MFSD11: variants seen among roughly 807,000 people sequenced by gnomAD.
MFSD11 encodes the protein UNC93-like protein MFSD11.
In MFSD11, 36 loss-of-function variants were observed where a neutral mutation model predicts 53.5. The ratio of observed to expected loss-of-function variants is 0.67; its 90% confidence interval spans 0.52 to 0.89. The LOEUF is 0.89. MFSD11 is among the 40% of genes least tolerant of loss of function. The probability of loss-of-function intolerance (pLI) is 0.00; values close to 1 mark genes in which losing one functional copy is unlikely to be tolerated. For missense variants in MFSD11, 530 were observed against 543.9 expected (o/e 0.97, Z 0.25); for synonymous variants, 186 against 184.9 (o/e 1.01, Z -0.05).
downstream of MFSD11, among the ~76,000 whole-genome samples, chr17:76,780,211 G>A (rs1041872741): frequency 2.6e-5 from 4 of 152,118 alleles, no homozygotes; most frequent in Non-Finnish European, 4.4e-5. Flanking sequence ...AAAAGTAGTC[G>A]CTGCCTGTCA....
Position 76,738,149 on chromosome 17 carries a change from G to T in MFSD11, c.-204G>T. On this transcript the variant is annotated 5_prime_UTR_variant, in exon 1 of 13. Transcript: ENST00000685175. Reference sequence around the variant, plus strand: ...CTTCCGTACTCGGATCGCTTCTTAGGAGTATCCTAACTGCCGGTGGGGAGA... The same window carrying T: ...CTTCCGTACTCGGATCGCTTCTTAGTAGTATCCTAACTGCCGGTGGGGAGA... The T allele has an allele frequency of 1.0e-5, 6 of 602,736 alleles. No homozygotes were observed. Among genetic ancestry groups the T allele is most frequent in the Non-Finnish European group, 8.8e-6 (3 of 341,314 alleles). 37.3% of individuals were successfully genotyped at this position (602,736 alleles called of 1,614,324 possible).
the MFSD11 span, among the ~76,000 whole-genome samples, chr17:76,787,810 C>T: frequency 6.7e-6 from 1 of 149,584 alleles, no homozygotes; most frequent in Admixed American, 6.7e-5. Context: ...CCTTATTATA[C>T]CCACCTTTTT....
At chr17:76,752,160 G>T (rs74350460) in intron 7 of MFSD11, among the ~76,000 whole-genome samples, 101 of 152,290 alleles carry the variant, frequency 6.6e-4, no homozygotes, top group African/African-American at 2.4e-3. Context: ...CAGGCGTGTT[G>T]TTGCTCAGTC....
At position 76,754,245 on chromosome 17, in the gene MFSD11, C is replaced by G. The variant is rs1598596737; in HGVS notation, c.682+158C>G. 3 of 601,412 alleles carry G rather than the reference C, an allele frequency of 5.0e-6. No homozygotes were observed. The East Asian group carries it at 8.7e-5, about 17-fold the overall frequency. 37.3% of individuals were successfully genotyped at this position (601,412 alleles called of 1,614,324 possible). A position where few individuals can be genotyped will look rare whatever the true frequency, so the allele number is the denominator to read the frequency against. ...ATATATTGATCTTCCTTATCAACAT[C>G]TCTCTAACATGGGGGTTGTGAGGGA... On this transcript the variant is annotated intron_variant, in intron 8 of 12. Transcript: ENST00000685175.
chr17:76,767,450 A>G lies in MFSD11; in HGVS notation c.747A>G (p.Thr249=). 6.4e-7 allele frequency: 1 copy of G among 1,564,770 alleles called. No individual in the cohort carries two copies. The highest frequency in any genetic ancestry group is 8.8e-7 in the Non-Finnish European group (1 of 1,138,028). Residue 249 remains threonine (T), a splice_region_variant and synonymous_variant, in exon 9 of 13, where the codon ACA becomes ACG. Coordinates refer to ENST00000685175, the MANE Select transcript of MFSD11 (RefSeq NM_001242532.5). ...TTCTTAGTATTACAACTGCTTATACAGGTAATGGAATTACTGTTCTTATTT... is the reference window on the plus strand; with the variant it reads ...TTCTTAGTATTACAACTGCTTATACGGGTAATGGAATTACTGTTCTTATTT... ...MLLLSITTAY[T]GLELTFFSGV...
rs747834920 is a variant in MFSD11, at chr17:76,779,193, G to C, written c.*841G>C. 1 of 147,120 alleles carries C rather than the reference G, an allele frequency of 6.8e-6. No homozygotes were observed. Among genetic ancestry groups the C allele is most frequent in the Non-Finnish European group, 1.5e-5 (1 of 67,566 alleles). 9.1% of individuals were successfully genotyped at this position (147,120 alleles called of 1,614,324 possible). A position where few individuals can be genotyped will look rare whatever the true frequency, so the allele number is the denominator to read the frequency against. On this transcript the variant is annotated 3_prime_UTR_variant, in exon 13 of 13. Coordinates refer to ENST00000685175, the MANE Select transcript of MFSD11 (RefSeq NM_001242532.5). ...CGCTTGAACCTGGGAGGCGGAGGTT[G>C]CAGTGAGCCGAGATCGTGCCATTGC...
chr17:76,743,807 G>T (rs2078308270), intron 6 of MFSD11, among the ~76,000 whole-genome samples: 1 of 152,038 alleles, frequency 6.6e-6, no homozygotes, highest in Non-Finnish European at 1.5e-5. Flanking sequence ...GTAGAGATGG[G>T]TTTCTCCATG....
the MFSD11 span, among the ~76,000 whole-genome samples, chr17:76,801,560 C>A: frequency 1.3e-5 from 2 of 151,326 alleles, no homozygotes; most frequent in South Asian, 2.1e-4. Flanking sequence ...AATTCTCCTA[C>A]CTCAGGCTCC....
the MFSD11 span, among the ~76,000 whole-genome samples, chr17:76,803,425 G>A: frequency 2.0e-5 from 3 of 152,088 alleles, no homozygotes; most frequent in East Asian, 1.9e-4. Context: ...TGCCTTTGTC[G>A]GACTAACAAA....
chr17:76,774,875 G>A lies in MFSD11; in HGVS notation c.875-122G>A, dbSNP rs2081670757. 9.5e-6 allele frequency: 9 copies of A among 943,080 alleles called. No individual in the cohort carries two copies. The East Asian group carries it at 1.2e-4, about 13-fold the overall frequency. 58.4% of individuals were successfully genotyped at this position (943,080 alleles called of 1,614,324 possible). A position where few individuals can be genotyped will look rare whatever the true frequency, so the allele number is the denominator to read the frequency against. On this transcript the variant is annotated intron_variant, in intron 10 of 12. Coordinates refer to ENST00000685175, the MANE Select transcript of MFSD11 (RefSeq NM_001242532.5). ...CATTGTCTGCAAGTGCTGAGGTGTT[G>A]GGTTTTTTGAAGAAATTTAACAAGT...
chr17:76,764,052 A>G (rs1358452784), intron 8 of MFSD11, among the ~76,000 whole-genome samples: 1 of 151,954 alleles, frequency 6.6e-6, no homozygotes, highest in African/African-American at 2.4e-5. Flanking sequence ...TTTAATAGAG[A>G]TGGGGTTTTA....
chr17:76,737,240 G>T, upstream of MFSD11: 1 of 1,456,518 alleles, frequency 6.9e-7, no homozygotes, highest in Non-Finnish European at 9.1e-7. Flanking sequence ...GCGCCTCTCA[G>T]GCAGTTGCCT....
chr17:76,777,706 G>A (rs1315165782), intron 12 of MFSD11, among the ~76,000 whole-genome samples: 1 of 152,028 alleles, frequency 6.6e-6, no homozygotes, highest in African/African-American at 2.4e-5. Context: ...CAGATTTTAT[G>A]TTCTGGTCTC....
intron 10 of MFSD11, among the ~76,000 whole-genome samples, chr17:76,771,593 T>C (rs1213258371): frequency 6.6e-6 from 1 of 152,226 alleles, no homozygotes; most frequent in Non-Finnish European, 1.5e-5. Context: ...AAGCGGACTT[T>C]GGAGGGTTTG....
intron 12 of MFSD11, among the ~76,000 whole-genome samples, chr17:76,777,973 C>A (rs577817044): frequency 6.6e-6 from 1 of 152,232 alleles, no homozygotes; most frequent in East Asian, 1.9e-4. Flanking sequence ...CACACCTGGC[C>A]AAAATGCTAT....
chr17:76,738,272 C>T lies in MFSD11; in HGVS notation c.-81C>T, dbSNP rs777896180. On this transcript the variant is annotated 5_prime_UTR_variant, in exon 1 of 13. Transcript: ENST00000685175. ...GCCTTCTCCACTCACCATCTCATTTCTTTCTCCAGGATTGTCAGTGGCTTC... is the reference window on the plus strand; with the variant it reads ...GCCTTCTCCACTCACCATCTCATTTTTTTCTCCAGGATTGTCAGTGGCTTC... 7.7e-6 allele frequency: 7 copies of T among 903,618 alleles called. No homozygotes were observed. The South Asian group carries it at 8.5e-5, about 11-fold the overall frequency. 56.0% of individuals were successfully genotyped at this position (903,618 alleles called of 1,614,324 possible). A position where few individuals can be genotyped will look rare whatever the true frequency, so the allele number is the denominator to read the frequency against.
chr17:76,755,734 ATATATGTATATATATGTG>A (rs1387650854), intron 8 of MFSD11, among the ~76,000 whole-genome samples: 1 of 132,700 alleles, frequency 7.5e-6, no homozygotes, highest in African/African-American at 2.7e-5. Flanking sequence ...GTATATGTAT[ATATATGTATATATATGTG>A]TATATGTATA....
the MFSD11 span, among the ~76,000 whole-genome samples, chr17:76,797,512 C>T: frequency 0.65 from 99,148 of 151,880 alleles, 33,365 homozygotes; most frequent in Middle Eastern, 0.77. Context: ...TCCCTTTAGT[C>T]GCTGTGTTGG....
At chr17:76,740,557 A>G (rs1167005516) in intron 2 of MFSD11, among the ~76,000 whole-genome samples, 4 of 152,240 alleles carry the variant, frequency 2.6e-5, no homozygotes, top group African/African-American at 9.6e-5. Context: ...CCAGCCACCC[A>G]GCTGGACTTT....
Sources: allele counts gnomAD v4.1 joint callset (sites outside exome capture counted in the v4.1 genomes callset), GRCh38; gene constraint gnomAD v4.1.1; transcripts MANE v1.5; gene names NCBI Gene and HGNC (gene_info 2026-07-23, HGNC 2026-07-21).